Variants in PIK3C3 observed in about 807,000 individuals in gnomAD.
PIK3C3 encodes the protein PI3-kinase type 3.
In PIK3C3, 95 loss-of-function variants were observed where a neutral mutation model predicts 126.1. The ratio of observed to expected loss-of-function variants is 0.75; its 90% CI spans 0.64 to 0.89. PIK3C3 has a LOEUF of 0.89. Ranked by LOEUF, PIK3C3 falls within the 40% of genes least tolerant of loss-of-function variation. The pLI, the probability that PIK3C3 is intolerant of heterozygous loss-of-function variation, is 0.00. For missense variants in PIK3C3, 829 were observed against 1,063.2 expected (o/e 0.78, Z 3.06); for synonymous variants, 374 against 360.0 (o/e 1.04, Z -0.44).
chr18:42,044,388 CTTTATTTTT>C (rs1002225028), intron 20 of PIK3C3, among the ~76,000 whole-genome samples: 1 of 149,388 alleles, frequency 6.7e-6, no homozygotes, highest in Non-Finnish European at 1.5e-5. Flanking sequence ...TTTTCATTTT[CTTTATTTTT>C]TTCTTTTCTT....
chr18:42,019,060 A>T (rs576292785), intron 12 of PIK3C3, among the ~76,000 whole-genome samples: 1 of 152,170 alleles, frequency 6.6e-6, no homozygotes, highest in African/African-American at 2.4e-5. Flanking sequence ...ATTCTGCCTC[A>T]TACTTAATGG....
intron 4 of PIK3C3, among the ~76,000 whole-genome samples, chr18:41,979,402 A>G (rs1405010661): frequency 1.3e-5 from 2 of 152,188 alleles, no homozygotes; most frequent in African/African-American, 4.8e-5. Context: ...CTTGCATGTT[A>G]TCTCTGAAAG....
At chr18:42,053,653 G>A (rs938544416) in intron 21 of PIK3C3, among the ~76,000 whole-genome samples, 2 of 152,070 alleles carry the variant, frequency 1.3e-5, no homozygotes, top group Non-Finnish European at 2.9e-5. Context: ...CTTACTTAGG[G>A]CGATCAGTTG....
chr18:42,010,246 T>C (rs929589567), intron 10 of PIK3C3, among the ~76,000 whole-genome samples: 1 of 152,208 alleles, frequency 6.6e-6, no homozygotes, highest in Non-Finnish European at 1.5e-5. Flanking sequence ...AAGAAGCAAC[T>C]CTTCATCTGT....
At chr18:42,006,860 C>CTTTTT (rs71265065) in intron 10 of PIK3C3, among the ~76,000 whole-genome samples, 29 of 102,292 alleles carry the variant, frequency 2.8e-4, no homozygotes, top group African/African-American at 3.6e-4. Context: ...AAATCATATT[C>CTTTTT]TTTTTTTTTT....
chr18:41,956,813 A>G (rs898029689), intron 1 of PIK3C3, among the ~76,000 whole-genome samples: 2 of 152,136 alleles, frequency 1.3e-5, no homozygotes, highest in African/African-American at 4.8e-5. Context: ...GTGACTGTGG[A>G]TAAGGAGTTT....
intron 22 of PIK3C3, among the ~76,000 whole-genome samples, chr18:42,063,727 C>T (rs1366763614): frequency 5.9e-5 from 9 of 151,850 alleles, no homozygotes; most frequent in Admixed American, 2.0e-4. Context: ...AGTAACAGTT[C>T]GTATTTTATT....
intron 24 of PIK3C3, among the ~76,000 whole-genome samples, chr18:42,068,936 C>T (rs372433984): frequency 6.9e-5 from 9 of 130,940 alleles, no homozygotes; most frequent in East Asian, 4.4e-4. Context: ...GGCAACAGAG[C>T]GAGACTCCGT....
intron 16 of PIK3C3, among the ~76,000 whole-genome samples, chr18:42,034,737 C>T (rs1983972811): frequency 6.6e-6 from 1 of 152,184 alleles, no homozygotes; most frequent in Non-Finnish European, 1.5e-5. Flanking sequence ...CTTTGTGAGA[C>T]ATGGTGCTTT....
intron 2 of PIK3C3, among the ~76,000 whole-genome samples, chr18:41,961,420 T>G (rs1696203557): frequency 6.6e-6 from 1 of 152,228 alleles, no homozygotes; most frequent in South Asian, 2.1e-4. Context: ...ATACTGGCTT[T>G]CTTAAGCATG....
intron 3 of PIK3C3, among the ~76,000 whole-genome samples, chr18:41,970,088 G>A (rs1980580416): frequency 6.6e-6 from 1 of 152,100 alleles, no homozygotes; most frequent in African/African-American, 2.4e-5. Flanking sequence ...CACTCTCTGT[G>A]TAGAATTCTC....
At chr18:42,069,882 C>CTG (rs1220820343) in intron 24 of PIK3C3, among the ~76,000 whole-genome samples, 1 of 152,198 alleles carries the variant, frequency 6.6e-6, no homozygotes, top group East Asian at 1.9e-4. Context: ...GACTTAGTAG[C>CTG]TGAAAAAGCA....
In PIK3C3 at chr18:41,962,631, G is replaced by A. The variant is rs138532795; in HGVS notation, c.400G>A (p.Gly134Ser). Reference sequence around the variant, plus strand: ...AACGGTTTCGCTCTTTGGAAAATACGGGTAAGCATTCTGTTGGTCTCATCT... The same window carrying A: ...AACGGTTTCGCTCTTTGGAAAATACAGGTAAGCATTCTGTTGGTCTCATCT... ...GTTVSLFGKY[G>S]MFRQGMHDLK... The change falls in exon 3 of 25, where the codon GGC (glycine) becomes AGC (serine). Residue 134 changes from glycine (G) to serine (S), a missense_variant and splice_region_variant. Transcript: ENST00000262039. 1.6e-5 allele frequency: 25 copies of A among 1,609,566 alleles called. No homozygotes were observed. The highest frequency in any genetic ancestry group is 6.7e-5 in the African/African-American group (5 of 74,758).
chr18:42,018,871 G>A (rs1334167231), intron 12 of PIK3C3, among the ~76,000 whole-genome samples: 2 of 152,076 alleles, frequency 1.3e-5, no homozygotes, highest in Non-Finnish European at 1.5e-5. Flanking sequence ...CTGAAGAAAA[G>A]CACATAGCAT....
intron 13 of PIK3C3, 126 bp from the exon 14 acceptor site, chr18:42,027,317 T>G: frequency 2.2e-6 from 1 of 447,618 alleles, no homozygotes; most frequent in South Asian, 4.3e-5. Flanking sequence ...AAAATGTGTT[T>G]TATTACTCCA....
At chr18:41,969,480 T>C (rs1231366360) in intron 3 of PIK3C3, among the ~76,000 whole-genome samples, 1 of 152,212 alleles carries the variant, frequency 6.6e-6, no homozygotes, top group Admixed American at 6.5e-5. Flanking sequence ...GGTAGCTTTT[T>C]GACAAAAACA....
chr18:42,026,058 G>A (rs1487133017), intron 13 of PIK3C3: 1 of 152,158 alleles, frequency 6.6e-6, no homozygotes, highest in African/African-American at 2.4e-5. Flanking sequence ...GGGAAACATT[G>A]TCAGTTAAGA....
chr18:42,023,237 A>G (rs964867553), intron 13 of PIK3C3, among the ~76,000 whole-genome samples: 2 of 152,178 alleles, frequency 1.3e-5, no homozygotes, highest in Non-Finnish European at 2.9e-5. Flanking sequence ...TTCAAGTTAC[A>G]TATTCTTTGT....
rs991277820 is a variant in PIK3C3 at position 41,962,569 on chromosome 18, T to A, written c.338T>A (p.Val113Glu). 1.2e-6 allele frequency: 2 copies of A among 1,613,592 alleles called. No homozygotes were observed. The highest frequency in any genetic ancestry group is 2.7e-5 in the African/African-American group (2 of 75,036). Reference sequence around the variant, plus strand: ...CAAGTGGCCCTCACCATATGGGATGTGTATGGTCCCGGAAAAGCAGTGCCT... The same window carrying A: ...CAAGTGGCCCTCACCATATGGGATGAGTATGGTCCCGGAAAAGCAGTGCCT... ...NAQVALTIWD[V>E]YGPGKAVPVG... The change falls in exon 3 of 25, where the codon GTG becomes GAG. Residue 113 changes from valine to glutamate, a missense_variant. By Grantham distance (121) the Val-to-Glu change is moderately radical. Transcript: ENST00000262039.
Sources: allele counts gnomAD v4.1 joint callset (sites outside exome capture counted in the v4.1 genomes callset), GRCh38; gene constraint gnomAD v4.1.1; transcripts MANE v1.5; gene names NCBI Gene and HGNC (gene_info 2026-07-23, HGNC 2026-07-21).